PCYOX1: variants seen among roughly 807,000 people sequenced by gnomAD.
PCYOX1 encodes the protein prenylcysteine lyase.
In PCYOX1, 46 loss-of-function variants were observed where a neutral mutation model predicts 46.4. The observed-to-expected ratio is 0.99, with a 90% CI of 0.78 to 1.27. The LOEUF (loss-of-function observed/expected upper bound fraction) is 1.27. Among genes scored for constraint, PCYOX1 ranks in the 50% most tolerant of loss-of-function variants. The pLI, the probability that PCYOX1 is intolerant of heterozygous loss-of-function variation, is 0.00. For synonymous variants in PCYOX1, 220 were observed against 231.8 expected, an observed-to-expected ratio of 0.95 and a Z score of 0.46; for missense variants, 658 against 628.3, an observed-to-expected ratio of 1.05 and a Z score of -0.51.
chr2:70,260,392 AAGTT>A (rs1272811489), intron 2 of PCYOX1, among the ~76,000 whole-genome samples: 7 of 152,138 alleles, frequency 4.6e-5, no homozygotes, highest in Non-Finnish European at 1.0e-4. Flanking sequence ...AAAAATAAAA[AAGTT>A]AGCCTGGTGT....
chr2:70,261,415 A>C, intron 3 of PCYOX1, 29 bp downstream of exon 3: 1 of 1,460,298 alleles, frequency 6.8e-7, no homozygotes, highest in Non-Finnish European at 9.5e-7. Flanking sequence ...ATTTAACCTA[A>C]GATCTTTTAA....
At chr2:70,268,163 G>C (rs1481416179) in intron 3 of PCYOX1, among the ~76,000 whole-genome samples, 1 of 152,102 alleles carries the variant, frequency 6.6e-6, no homozygotes, top group Non-Finnish European at 1.5e-5. Context: ...TATAGCAGCA[G>C]TGGAAAACCA....
rs1696717968 is a variant in PCYOX1 at position 70,278,511 on chromosome 2, C to G, written c.*1119C>G. 1 of 152,370 alleles carries G rather than the reference C, an allele frequency of 6.6e-6. No individual in the cohort carries two copies. Among genetic ancestry groups the G allele is most frequent in the South Asian group, 2.1e-4 (1 of 4,832 alleles). The allele number at this position is 152,370 out of a possible 1,614,324, so 9.4% of individuals were successfully genotyped here. Reference sequence around the variant, plus strand: ...TTGATAATAAGCACAGACAGCCTAACAGCAGAGGCAACTTAAATAACTCCT... The same window carrying G: ...TTGATAATAAGCACAGACAGCCTAAGAGCAGAGGCAACTTAAATAACTCCT... On this transcript the variant is annotated 3_prime_UTR_variant, in exon 6 of 6. Coordinates refer to ENST00000433351, the MANE Select transcript of PCYOX1 (RefSeq NM_016297.4).
At chr2:70,259,926 C>T (rs1242399549) in intron 2 of PCYOX1, among the ~76,000 whole-genome samples, 10 of 152,126 alleles carry the variant, frequency 6.6e-5, no homozygotes, top group Admixed American at 5.9e-4. Flanking sequence ...AGCGATTCTC[C>T]TGCCTTAGCC....
In PCYOX1 at chr2:70,261,357, G is replaced by A; in HGVS notation, c.465G>A (p.Trp155Ter). 4 of 1,612,916 alleles carry A rather than the reference G, an allele frequency of 2.5e-6. No individual in the cohort carries two copies. Among genetic ancestry groups the A allele is most frequent in the African/African-American group, 1.3e-5 (1 of 75,014 alleles). Residue 155 changes from tryptophan to a stop codon, truncating the protein, a stop_gained, in exon 3 of 6, where the codon TGG becomes TGA. Transcript: ENST00000433351. LOFTEE classifies it high-confidence loss of function. ...TTCAATCCCTCCGTATGCACATGTGGGTAGAGGACGTGTTAGACAAGTTCA... is the reference window on the plus strand; with the variant it reads ...TTCAATCCCTCCGTATGCACATGTGAGTAGAGGACGTGTTAGACAAGTTCA... ...YGFQSLRMHM[W>*]VEDVLDKFMR...
intron 2 of PCYOX1, 46 bp downstream of exon 2, chr2:70,259,612 C>A (rs865801486): frequency 6.6e-6 from 9 of 1,356,232 alleles, no homozygotes; most frequent in African/African-American, 5.7e-5. Context: ...TGTGTGACAT[C>A]CCCGGATATT....
chr2:70,261,115 C>A, intron 2 of PCYOX1, 97 bp from the exon 3 acceptor site: 1 of 707,106 alleles, frequency 1.4e-6, no homozygotes, highest in Non-Finnish European at 2.4e-6. Flanking sequence ...TATGTGTCTC[C>A]TGAGAACTGA....
chr2:70,258,013 C>CCG (rs1036396626), upstream of PCYOX1: 2 of 524,372 alleles, frequency 3.8e-6, no homozygotes, highest in Non-Finnish European at 6.3e-6. Context: ...TTGAGAGGAC[C>CCG]GGCGGGGCGA....
chr2:70,280,564 C>T lies in PCYOX1; in HGVS notation c.*3172C>T, dbSNP rs1696758968. 1 of 152,210 alleles carries T rather than the reference C, an allele frequency of 6.6e-6. No individual in the cohort carries two copies. Among genetic ancestry groups the T allele is most frequent in the African/African-American group, 2.4e-5 (1 of 41,444 alleles). The allele number at this position is 152,210 out of a possible 1,614,324, so 9.4% of individuals were successfully genotyped here. On this transcript the variant is annotated 3_prime_UTR_variant, in exon 6 of 6. Coordinates refer to ENST00000433351, the MANE Select transcript of PCYOX1 (RefSeq NM_016297.4). ...CATTTTATTAAGTTCCCCAGTGATGCTGCTGTTCTACTATAGGAACCACAC... is the reference window on the plus strand; with the variant it reads ...CATTTTATTAAGTTCCCCAGTGATGTTGCTGTTCTACTATAGGAACCACAC...
chr2:70,264,617 G>A (rs1696487416), intron 3 of PCYOX1, among the ~76,000 whole-genome samples: 1 of 151,618 alleles, frequency 6.6e-6, no homozygotes, highest in Non-Finnish European at 1.5e-5. Context: ...ATGAGCCACC[G>A]CACCTGGCCT....
chr2:70,267,077 C>T (rs1171696548), intron 3 of PCYOX1, among the ~76,000 whole-genome samples: 2 of 151,286 alleles, frequency 1.3e-5, no homozygotes, highest in African/African-American at 4.9e-5. Flanking sequence ...TCAGAGAGGG[C>T]GGCTGGTCAG....
intron 3 of PCYOX1, among the ~76,000 whole-genome samples, chr2:70,272,088 T>C (rs539762466): frequency 2.2e-4 from 33 of 152,014 alleles, no homozygotes; most frequent in Non-Finnish European, 4.6e-4. Flanking sequence ...ATATGGTGCA[T>C]GATCAATCTA....
rs771377654 is a variant in PCYOX1, at chr2:70,277,180, T to C, written c.1306T>C (p.Tyr436His). 6.2e-7 allele frequency: 1 copy of C among 1,614,036 alleles called. No individual in the cohort carries two copies. The highest frequency in any genetic ancestry group is 2.2e-5 in the East Asian group (1 of 44,882). The change falls in exon 6 of 6, where the codon TAT becomes CAT. Residue 436 changes from tyrosine (Y) to histidine (H), a missense_variant. Transcript: ENST00000433351. ...TGCTGTGAAGAAGCCATGGCTTGCATATCCTCACTATAAGCCCCCGGAGAA... is the reference window on the plus strand; with the variant it reads ...TGCTGTGAAGAAGCCATGGCTTGCACATCCTCACTATAAGCCCCCGGAGAA... Reference protein sequence around the residue: ...DYAVKKPWLAYPHYKPPEKCP... With the variant: ...DYAVKKPWLAHPHYKPPEKCP...
intron 3 of PCYOX1, among the ~76,000 whole-genome samples, chr2:70,264,500 T>A (rs982954556): frequency 1.3e-5 from 2 of 151,078 alleles, no homozygotes; most frequent in Non-Finnish European, 2.9e-5. Context: ...ATAATTTTTT[T>A]ATTTTTAGTA....
At chr2:70,275,410 G>C (rs1479798120) in intron 4 of PCYOX1, 104 bp from the exon 5 acceptor site, 1 of 1,240,406 alleles carries the variant, frequency 8.1e-7, no homozygotes, top group African/African-American at 1.5e-5. Flanking sequence ...ATTTAGCAAT[G>C]TCTAGAGACA....
chr2:70,259,719 C>T (rs367886680), intron 2 of PCYOX1, among the ~76,000 whole-genome samples, 153 bp downstream of exon 2: 112 of 148,958 alleles, frequency 7.5e-4, no homozygotes, highest in African/African-American at 2.8e-3. Flanking sequence ...TTGGTACTGC[C>T]TGAGTTAGGA....
chr2:70,267,972 G>A (rs1206536236), intron 3 of PCYOX1, among the ~76,000 whole-genome samples: 1 of 151,880 alleles, frequency 6.6e-6, no homozygotes, highest in Non-Finnish European at 1.5e-5. Context: ...CACCATGCCC[G>A]GCTAATTTTT....
Position 70,267,118 on chromosome 2 carries a change from G to A in PCYOX1, c.494+5732G>A, listed in dbSNP as rs367914527. Among the ~76,000 whole-genome samples the A allele has an allele frequency of 1.1e-4, 16 of 152,102 alleles. No individual in the cohort carries two copies. The East Asian group carries it at 2.9e-3, about 28-fold the overall frequency. ...CTCCTCACCTCCCAGACGGGATGGCGGCGGGGCAGAGACACTCCTCAGTTC... is the reference window on the plus strand; with the variant it reads ...CTCCTCACCTCCCAGACGGGATGGCAGCGGGGCAGAGACACTCCTCAGTTC... On this transcript the variant is annotated intron_variant, in intron 3 of 5. Coordinates refer to ENST00000433351, the MANE Select transcript of PCYOX1 (RefSeq NM_016297.4).
At chr2:70,268,939 A>G (rs1696564725) in intron 3 of PCYOX1, among the ~76,000 whole-genome samples, 1 of 152,150 alleles carries the variant, frequency 6.6e-6, no homozygotes, top group African/African-American at 2.4e-5. Context: ...TTTGGCCTAC[A>G]GAACTATAAG....
Sources: allele counts gnomAD v4.1 joint callset (sites outside exome capture counted in the v4.1 genomes callset), GRCh38; gene constraint gnomAD v4.1.1; transcripts MANE v1.5; gene names NCBI Gene and HGNC (gene_info 2026-07-23, HGNC 2026-07-21).